Variants in PARG observed in about 807,000 individuals in gnomAD.
The protein encoded by PARG is poly(ADP-ribose) glycohydrolase.
A neutral mutation model predicts 113.0 loss-of-function variants in PARG; 35 were observed. That is an observed-to-expected ratio of 0.31 (90% confidence interval 0.24 to 0.41). PARG has a LOEUF of 0.41. PARG is among the 10% of genes least tolerant of loss of function. The probability of loss-of-function intolerance (pLI) is 1.00; values close to 1 mark genes in which losing one functional copy is unlikely to be tolerated. For missense variants in PARG, 797 were observed against 1,169.4 expected, an observed-to-expected ratio of 0.68 and a Z score of 4.64; for synonymous variants, 330 against 409.9, an observed-to-expected ratio of 0.81 and a Z score of 2.36.
At chr10:49,889,954 A>G (rs1307177849) in intron 7 of PARG, among the ~76,000 whole-genome samples, 2 of 152,226 alleles carry the variant, frequency 1.3e-5, no homozygotes, top group Non-Finnish European at 2.9e-5. Context: ...CATAATCTAA[A>G]ATATCACCAT....
Position 49,879,676 on chromosome 10 carries a change from T to C in PARG, c.1985A>G (p.Asn662Ser), listed in dbSNP as rs1423098164. Reference sequence around the variant, plus strand: ...GAGGTGTTTTCTGAAAACATACCGATTGAAGTTAATGTCTGGGTAACTAGA... The same window carrying C: ...GAGGTGTTTTCTGAAAACATACCGACTGAAGTTAATGTCTGGGTAACTAGA... ...EYSSYPDINF[N>S]RLFEGRSSRK... The change falls in exon 9 of 18, where the codon AAT (asparagine) becomes AGT (serine). Residue 662 changes from asparagine to serine, a missense_variant. Asn to Ser is a conservative substitution (Grantham distance 46). This residue lies in a region of PARG where 252 missense variants were observed against 437.4 expected (regional missense o/e 0.58). Transcript: ENST00000616448. 4 of 1,526,288 alleles carry C rather than the reference T, an allele frequency of 2.6e-6. No homozygotes were observed. The highest frequency in any genetic ancestry group is 2.4e-5 in the East Asian group (1 of 41,088). 94.5% of individuals were successfully genotyped at this position (1,526,288 alleles called of 1,614,324 possible). A position where few individuals can be genotyped will look rare whatever the true frequency, so the allele number is the denominator to read the frequency against.
chr10:49,848,313 C>T (rs539602626), intron 13 of PARG, among the ~76,000 whole-genome samples: 132 of 149,140 alleles, frequency 8.9e-4, no homozygotes, highest in African/African-American at 3.0e-3. Flanking sequence ...TGCGCCACTG[C>T]ACTCCAGCCT....
intron 8 of PARG, among the ~76,000 whole-genome samples, chr10:49,884,976 T>C (rs1847395725): frequency 6.7e-6 from 1 of 149,816 alleles, no homozygotes; most frequent in African/African-American, 2.5e-5. Context: ...TAATGTCCTT[T>C]TGTAGTACTC....
chr10:49,822,453 A>G (rs1306129102), intron 16 of PARG, among the ~76,000 whole-genome samples: 1 of 152,198 alleles, frequency 6.6e-6, no homozygotes, highest in Non-Finnish European at 1.5e-5. Context: ...TTGTTATACC[A>G]GAAGGTAAAG....
chr10:49,941,966 C>G lies in PARG; in HGVS notation c.-241G>C. 2.2e-6 allele frequency: 2 copies of G among 910,298 alleles called. No homozygotes were observed. The highest frequency in any genetic ancestry group is 1.5e-5 in the South Asian group (1 of 66,598). The allele number at this position is 910,298 out of a possible 1,614,324, so 56.4% of individuals were successfully genotyped here. A position where few individuals can be genotyped will look rare whatever the true frequency, so the allele number is the denominator to read the frequency against. ...CAATGCGCCGCTTTGATTCGGGATT[C>G]GTTCACTTTCCCACCACCGGAAAGC... On this transcript the variant is annotated 5_prime_UTR_variant, in exon 1 of 18. Transcript: ENST00000616448.
At chr10:49,821,814 G>T (rs182527635) in intron 16 of PARG, among the ~76,000 whole-genome samples, 2 of 152,142 alleles carry the variant, frequency 1.3e-5, no homozygotes, top group East Asian at 3.9e-4. Context: ...ATAAATGAGC[G>T]TAATTTTAGT....
chr10:49,902,772 C>T (rs1848401933), intron 7 of PARG, among the ~76,000 whole-genome samples: 1 of 152,098 alleles, frequency 6.6e-6, no homozygotes, highest in Non-Finnish European at 1.5e-5. Context: ...GGGAGGATCG[C>T]TTAAGGGCAA....
chr10:49,937,318 T>C (rs1838796910), intron 1 of PARG, among the ~76,000 whole-genome samples: 1 of 151,968 alleles, frequency 6.6e-6, no homozygotes, highest in Non-Finnish European at 1.5e-5. Context: ...CTACTAAAGA[T>C]ACAAAAAATT....
In PARG at chr10:49,932,206, T is replaced by C. The variant is rs1312550615; in HGVS notation, c.1349A>G (p.Asp450Gly). 3 of 1,601,724 alleles carry C rather than the reference T, an allele frequency of 1.9e-6. No individual in the cohort carries two copies. The African/African-American group carries it at 4.0e-5, about 21-fold the overall frequency. Residue 450 changes from aspartate to glycine, a missense_variant, in exon 4 of 18, where the codon GAT (aspartate) becomes GGT (glycine). By Grantham distance (94) the Asp-to-Gly change is moderately conservative. This residue lies in a region of PARG where 252 missense variants were observed against 437.4 expected (regional missense o/e 0.58). Transcript: ENST00000616448. ...PKYVPPHLSP[D>G]KKWLGTPIEE... ...AATGGGAGTTCCAAGCCACTTCTTA[T>C]CTGGAGAAAGGTGAGGTGGAACGTA...
rs536057082 is a variant in PARG at position 49,907,764 on chromosome 10, CAAACA to C, written c.1737+8148_1737+8152del. On this transcript the variant is annotated intron_variant, in intron 7 of 17. Coordinates refer to ENST00000616448, the MANE Select transcript of PARG (RefSeq NM_003631.5). ...CATGTTTAACTGTGTTAATAAAATA[CAAACA>C]AAACAAAACAAAACCCAAAACACTT... Among the ~76,000 whole-genome samples, 336 of 152,118 alleles carry C rather than the reference CAAACA, an allele frequency of 2.2e-3. 2 individuals are homozygous for C. The highest frequency in any genetic ancestry group is 7.8e-3 in the African/African-American group (322 of 41,512).
intron 7 of PARG, among the ~76,000 whole-genome samples, chr10:49,904,780 G>C (rs1205154185): frequency 6.6e-6 from 1 of 152,118 alleles, no homozygotes; most frequent in Admixed American, 6.5e-5. Flanking sequence ...GCCAGGCAAG[G>C]TGGTGCGTGC....
At chr10:49,837,163 A>G (rs782178775) in intron 15 of PARG, among the ~76,000 whole-genome samples, 9 of 152,104 alleles carry the variant, frequency 5.9e-5, no homozygotes, top group Non-Finnish European at 1.2e-4. Flanking sequence ...TGTGGGTCCA[A>G]TAAGACCGGT....
intron 13 of PARG, among the ~76,000 whole-genome samples, chr10:49,849,182 C>T (rs1246083623): frequency 2.0e-5 from 3 of 149,254 alleles, no homozygotes; most frequent in African/African-American, 2.4e-5. Context: ...GCAACAAGAG[C>T]GAAACTCCGT....
At chr10:49,873,602 G>C (rs1846804718) in intron 9 of PARG, among the ~76,000 whole-genome samples, 1 of 131,820 alleles carries the variant, frequency 7.6e-6, no homozygotes, top group Admixed American at 7.9e-5. Context: ...TCCATAGACA[G>C]AATCAAAGCA....
intron 7 of PARG, among the ~76,000 whole-genome samples, chr10:49,911,857 T>G (rs1837205404): frequency 6.6e-6 from 1 of 152,230 alleles, no homozygotes; most frequent in African/African-American, 2.4e-5. Flanking sequence ...CTTACAGAAT[T>G]AATCAAAGGA....
At chr10:49,898,119 G>A (rs1554843184) in intron 7 of PARG, among the ~76,000 whole-genome samples, 2 of 152,186 alleles carry the variant, frequency 1.3e-5, no homozygotes, top group African/African-American at 4.8e-5. Flanking sequence ...GCCTAGATGT[G>A]CATTTACTCT....
At chr10:49,932,913 C>T (rs1191396311) in intron 3 of PARG, among the ~76,000 whole-genome samples, 1 of 151,638 alleles carries the variant, frequency 6.6e-6, no homozygotes, top group Non-Finnish European at 1.5e-5. Flanking sequence ...CTAGTATTTT[C>T]ATGTTCTAGC....
chr10:49,822,280 T>C (rs988298181), intron 16 of PARG, among the ~76,000 whole-genome samples: 12 of 152,098 alleles, frequency 7.9e-5, no homozygotes, highest in Non-Finnish European at 1.6e-4. Flanking sequence ...CCTAGCTCTG[T>C]CTGCTAAAAG....
chr10:49,891,483 C>G (rs1554841477), intron 7 of PARG, among the ~76,000 whole-genome samples: 3 of 148,968 alleles, frequency 2.0e-5, no homozygotes, highest in Admixed American at 2.0e-4. Context: ...AAATCAAAAT[C>G]TATATGAAAC....
Sources: gnomAD v4.1 joint callset for allele counts (sites outside exome capture counted in the v4.1 genomes callset) on GRCh38, gnomAD v4.1.1 for gene constraint, gnomAD v4.1.1 regional missense constraint, MANE v1.5 for transcripts, NCBI Gene and HGNC (gene_info 2026-07-23, HGNC 2026-07-21) for gene names.